The following TBX18 variants were observed in gnomAD, a reference collection of about 807,000 sequenced individuals.
TBX18 encodes T-box transcription factor TBX18.
A neutral mutation model predicts 55.0 loss-of-function variants in TBX18; 21 were observed. That is an observed-to-expected ratio of 0.38 (90% confidence interval 0.27 to 0.55). The LOEUF is 0.55. TBX18 is among the 20% of genes least tolerant of loss of function. TBX18 has a pLI of 0.73. For synonymous variants in TBX18, 342 were observed against 326.1 expected (o/e 1.05, Z -0.53); for missense variants, 840 against 799.6 (o/e 1.05, Z -0.61).
chr6:84,742,682 G>T (rs1475829126), intron 6 of TBX18: 1 of 152,052 alleles, frequency 6.6e-6, no homozygotes, highest in African/African-American at 2.4e-5. Context: ...GGATATAGTT[G>T]CTAGTTGTAT....
At chr6:84,750,283 C>CAA (rs546686776) in intron 4 of TBX18, among the ~76,000 whole-genome samples, 8,212 of 94,372 alleles carry the variant, frequency 0.087, 367 homozygotes, top group Middle Eastern at 0.15. Flanking sequence ...GATTCTATCT[C>CAA]AAAAAAAAAA....
chr6:84,737,514 G>A (rs572540699), intron 7 of TBX18, 105 bp from the exon 8 acceptor site: 58 of 1,256,198 alleles, frequency 4.6e-5, no homozygotes, highest in Non-Finnish European at 6.1e-5. Context: ...AGGGTTGGAG[G>A]AATGCTACAG....
In TBX18 at chr6:84,748,100, A is replaced by C; in HGVS notation, c.772-13T>G. 6.3e-7 allele frequency: 1 copy of C among 1,585,228 alleles called. No individual in the cohort carries two copies. Among genetic ancestry groups the C allele is most frequent in the Non-Finnish European group, 8.6e-7 (1 of 1,159,944 alleles). The stretch of plus-strand genomic sequence containing the variant: ...AATGAAGAATAATCTATATCAAAGA[A>C]GGAAAAGCTGAATTTATCAGAAGCC... On this transcript the variant is annotated splice_polypyrimidine_tract_variant and intron_variant, in intron 4 of 7. Transcript: ENST00000369663.
Position 84,764,415 on chromosome 6 carries a change from C to T in TBX18, c.-234G>A. ...TCCTTTCCTGGGTCTCTCTCGCGCG[C>T]TCTCTCACTGATGCACTCCTTTGCT... On this transcript the variant is annotated 5_prime_UTR_variant, in exon 1 of 8. Coordinates refer to ENST00000369663, the MANE Select transcript of TBX18 (RefSeq NM_001080508.3). 1.8e-6 allele frequency: 1 copy of T among 547,876 alleles called. No individual in the cohort carries two copies. Among genetic ancestry groups the T allele is most frequent in the Non-Finnish European group, 3.0e-6 (1 of 331,528 alleles). The allele number at this position is 547,876 out of a possible 1,614,324, so 33.9% of individuals were successfully genotyped here. A position where few individuals can be genotyped will look rare whatever the true frequency, so the allele number is the denominator to read the frequency against.
intron 3 of TBX18, among the ~76,000 whole-genome samples, chr6:84,759,862 A>C (rs1300158855): frequency 3.9e-5 from 6 of 152,100 alleles, no homozygotes; most frequent in Admixed American, 3.9e-4. Flanking sequence ...AATTTACATG[A>C]CCAAAAGATC....
At chr6:84,740,794 A>G (rs1452722763) in intron 6 of TBX18, among the ~76,000 whole-genome samples, 1 of 152,234 alleles carries the variant, frequency 6.6e-6, no homozygotes, top group Non-Finnish European at 1.5e-5. Flanking sequence ...AATATTAAAA[A>G]TACTAAAGTG....
intron 1 of TBX18, 103 bp from the exon 2 acceptor site, chr6:84,762,851 G>C (rs1767693041): frequency 2.8e-6 from 3 of 1,089,468 alleles, no homozygotes; most frequent in Non-Finnish European, 4.1e-6. Context: ...AAAATGACCG[G>C]GAGAAAAGGG....
intron 4 of TBX18, among the ~76,000 whole-genome samples, chr6:84,749,081 T>C (rs1029772356): frequency 9.2e-5 from 14 of 152,086 alleles, no homozygotes; most frequent in African/African-American, 3.4e-4. Flanking sequence ...GATGATGGAA[T>C]TGTGAGTGAA....
In TBX18 at chr6:84,764,370, G is replaced by A. The variant is rs1008186438; in HGVS notation, c.-189C>T. 2.6e-5 allele frequency: 21 copies of A among 817,126 alleles called. No individual in the cohort carries two copies. Among genetic ancestry groups the A allele is most frequent in the Admixed American group, 3.9e-5 (1 of 25,402 alleles). 50.6% of individuals were successfully genotyped at this position (817,126 alleles called of 1,614,324 possible). ...TCGCTTGTGTTGGGATCCAGGAACCGGCGACGCGCCGGCCAAGTCTCCTTT... is the reference window on the plus strand; with the variant it reads ...TCGCTTGTGTTGGGATCCAGGAACCAGCGACGCGCCGGCCAAGTCTCCTTT... On this transcript the variant is annotated 5_prime_UTR_variant, in exon 1 of 8. Transcript: ENST00000369663.
intron 4 of TBX18, among the ~76,000 whole-genome samples, chr6:84,751,959 C>T (rs1339715567): frequency 6.6e-6 from 1 of 152,058 alleles, no homozygotes; most frequent in Non-Finnish European, 1.5e-5. Flanking sequence ...AACCACTGGT[C>T]GTATAAACAA....
rs1766947315 is a variant in TBX18 at position 84,738,537 on chromosome 6, C to A, written c.1059G>T (p.Arg353=). 1.2e-6 allele frequency: 2 copies of A among 1,614,042 alleles called. No homozygotes were observed. Among genetic ancestry groups the A allele is most frequent in the East Asian group, 4.5e-5 (2 of 44,866 alleles). The change falls in exon 7 of 8, where the codon CGG becomes CGT. Residue 353 remains arginine, a synonymous_variant. Transcript: ENST00000369663. Reference sequence around the variant, plus strand: ...CAGGGATATCTTCAAAGGTCAGAGTCCGTAGTGATGGTCGCCAGAATGCAT... The same window carrying A: ...CAGGGATATCTTCAAAGGTCAGAGTACGTAGTGATGGTCGCCAGAATGCAT... The part of the protein sequence containing the change: ...ESYAFWRPSL[R]TLTFEDIPGI...
chr6:84,763,034 G>A (rs1200392810), intron 1 of TBX18: 3 of 537,926 alleles, frequency 5.6e-6, no homozygotes, highest in Admixed American at 6.9e-5. Flanking sequence ...GCCTCCGCAG[G>A]GCCAAGGCCC....
intron 6 of TBX18, among the ~76,000 whole-genome samples, chr6:84,738,876 G>A (rs1766968029): frequency 6.6e-6 from 1 of 152,190 alleles, no homozygotes; most frequent in African/African-American, 2.4e-5. Flanking sequence ...TTGGGCTAAG[G>A]AGCTGAGATG....
intron 2 of TBX18, among the ~76,000 whole-genome samples, chr6:84,761,432 TTAAC>T (rs1178208790): frequency 1.3e-5 from 2 of 152,216 alleles, no homozygotes; most frequent in Non-Finnish European, 1.5e-5. Flanking sequence ...GTAAAGGTCT[TTAAC>T]TACATCCTTT....
At chr6:84,748,661 G>C (rs1044473274) in intron 4 of TBX18, among the ~76,000 whole-genome samples, 4 of 152,168 alleles carry the variant, frequency 2.6e-5, no homozygotes, top group Admixed American at 2.6e-4. Context: ...ATCACAATGA[G>C]GCTTCCATTA....
rs1436858701 is a variant in TBX18 at position 84,763,983 on chromosome 6, A to C, written c.199T>G (p.Ser67Ala). The change falls in exon 1 of 8, where the codon TCT becomes GCT. Residue 67 changes from serine (S) to alanine (A), a missense_variant. Ser to Ala is a moderately conservative substitution (Grantham distance 99). Coordinates refer to ENST00000369663, the MANE Select transcript of TBX18 (RefSeq NM_001080508.3). Reference protein sequence around the residue: ...RGGGAGEKGSSEGDEGAALPP... With the variant: ...RGGGAGEKGSAEGDEGAALPP... Reference sequence around the variant, plus strand: ...AGCGCAGCGCCTTCGTCTCCCTCAGAAGAACCCTTTTCGCCCGCGCCGCCG... The same window carrying C: ...AGCGCAGCGCCTTCGTCTCCCTCAGCAGAACCCTTTTCGCCCGCGCCGCCG... The C allele has an allele frequency of 6.3e-7, 1 of 1,582,230 alleles. No individual in the cohort carries two copies. The highest frequency in any genetic ancestry group is 1.7e-5 in the Admixed American group (1 of 57,848).
chr6:84,759,264 TACTA>T (rs1313244891), intron 3 of TBX18, among the ~76,000 whole-genome samples: 3 of 152,132 alleles, frequency 2.0e-5, no homozygotes, highest in Non-Finnish European at 4.4e-5. Flanking sequence ...TATGTCCATG[TACTA>T]ACTAAAATCT....
At position 84,762,756 on chromosome 6, in the gene TBX18, G is replaced by A. The variant is rs755106619; in HGVS notation, c.293-8C>T. ...AGCCGTCCTCACAGCCGCCTGGACAGCAAAGGACAGAGAAAGGGAACTGGT... is the reference window on the plus strand; with the variant it reads ...AGCCGTCCTCACAGCCGCCTGGACAACAAAGGACAGAGAAAGGGAACTGGT... On this transcript the variant is annotated splice_polypyrimidine_tract_variant and splice_region_variant and intron_variant, in intron 1 of 7. Transcript: ENST00000369663. 1.9e-6 allele frequency: 3 copies of A among 1,587,534 alleles called. No homozygotes were observed. Among genetic ancestry groups the A allele is most frequent in the Non-Finnish European group, 2.6e-6 (3 of 1,167,370 alleles).
chr6:84,741,111 T>C (rs1767036175), intron 6 of TBX18: 1 of 152,224 alleles, frequency 6.6e-6, no homozygotes, highest in South Asian at 2.1e-4. Flanking sequence ...GGATTTTAGA[T>C]ATTTTGCAGG....
Sources: allele counts gnomAD v4.1 joint callset (sites outside exome capture counted in the v4.1 genomes callset), GRCh38; gene constraint gnomAD v4.1.1; transcripts MANE v1.5; gene names NCBI Gene and HGNC (gene_info 2026-07-23, HGNC 2026-07-21).